Variants in LRRC7 observed in about 807,000 individuals in gnomAD.
LRRC7 encodes leucine rich repeat containing 7.
Under a neutral mutation model 175.7 loss-of-function variants are expected in LRRC7, and 23 were observed. The ratio of observed to expected loss-of-function variants is 0.13; its 90% CI spans 0.09 to 0.19. LRRC7 has a LOEUF of 0.19. Ranked by LOEUF, LRRC7 falls within the 10% of genes least tolerant of loss-of-function variation. LRRC7 has a pLI of 1.00. For missense variants in LRRC7, 1,354 were observed against 1,904.7 expected (o/e 0.71, Z 5.38); for synonymous variants, 685 against 680.9 (o/e 1.01, Z -0.09).
chr1:69,966,151 T>C (rs1651646099), intron 8 of LRRC7, among the ~76,000 whole-genome samples: 1 of 152,172 alleles, frequency 6.6e-6, no homozygotes, highest in Non-Finnish European at 1.5e-5. Flanking sequence ...TAAAATATCA[T>C]AATTATGTCA....
At chr1:69,789,749 T>G (rs2101054121) in intron 3 of LRRC7, among the ~76,000 whole-genome samples, 1 of 152,216 alleles carries the variant, frequency 6.6e-6, no homozygotes, top group Non-Finnish European at 1.5e-5. Context: ...TACCAGTCAC[T>G]TTTGTGTATA....
chr1:70,083,882 C>T (rs1048873291), intron 24 of LRRC7, among the ~76,000 whole-genome samples: 1 of 152,118 alleles, frequency 6.6e-6, no homozygotes, highest in Non-Finnish European at 1.5e-5. Context: ...CTTAGTTGGC[C>T]GTAACCTCAC....
rs1399987097 is a variant in LRRC7 at position 70,138,411 on chromosome 1, TC to T, written c.*16525del. The T allele has an allele frequency of 6.6e-6, 1 of 152,172 alleles. No individual in the cohort carries two copies. The highest frequency in any genetic ancestry group is 1.9e-4 in the East Asian group (1 of 5,198). 9.4% of individuals were successfully genotyped at this position (152,172 alleles called of 1,614,324 possible). On this transcript the variant is annotated 3_prime_UTR_variant, in exon 27 of 27. Coordinates refer to ENST00000651989, the MANE Select transcript of LRRC7 (RefSeq NM_001370785.2). ...CAGACATCATTATTCTACTTAAAAGTCTTTTTTTAAAATTCCAAATACTTGT... is the reference window on the plus strand; with the variant it reads ...CAGACATCATTATTCTACTTAAAAGTTTTTTTTAAAATTCCAAATACTTGT...
At chr1:69,888,542 G>T (rs2101635947) in intron 7 of LRRC7, among the ~76,000 whole-genome samples, 1 of 152,200 alleles carries the variant, frequency 6.6e-6, no homozygotes, top group Non-Finnish European at 1.5e-5. Flanking sequence ...GATGAACCCG[G>T]TACCTCAGAT....
chr1:70,099,060 C>G (rs1309253475), intron 25 of LRRC7, among the ~76,000 whole-genome samples: 9 of 149,972 alleles, frequency 6.0e-5, no homozygotes, highest in Middle Eastern at 3.4e-3. Flanking sequence ...AACATTGATG[C>G]AAAAATCCTC....
chr1:69,938,460 A>G (rs1570732225), intron 8 of LRRC7, among the ~76,000 whole-genome samples: 2 of 152,162 alleles, frequency 1.3e-5, no homozygotes, highest in South Asian at 2.1e-4. Context: ...TATTTCATAG[A>G]GTCAAACAAA....
intron 8 of LRRC7, among the ~76,000 whole-genome samples, chr1:69,968,024 G>A (rs1419229460): frequency 1.3e-5 from 2 of 152,030 alleles, no homozygotes; most frequent in Non-Finnish European, 2.9e-5. Context: ...CCAGAGAAAG[G>A]TGAAGCCCAA....
At chr1:69,864,065 T>C (rs1328096569) in intron 7 of LRRC7, among the ~76,000 whole-genome samples, 1 of 152,154 alleles carries the variant, frequency 6.6e-6, no homozygotes, top group Non-Finnish European at 1.5e-5. Flanking sequence ...TACCTACTTA[T>C]CCTTTATGGC....
chr1:69,883,711 A>C, intron 7 of LRRC7, among the ~76,000 whole-genome samples: 1 of 94,374 alleles, frequency 1.1e-5, no homozygotes, highest in Non-Finnish European at 2.2e-5. Flanking sequence ...CGGAATGGTA[A>C]TGCCTAGGTT....
intron 1 of LRRC7, among the ~76,000 whole-genome samples, chr1:69,664,385 CTG>C (rs1657967675): frequency 6.6e-6 from 1 of 152,164 alleles, no homozygotes. Flanking sequence ...AACTTCCAAA[CTG>C]TTCTCCATAG....
intron 14 of LRRC7, 81 bp downstream of exon 14, chr1:70,016,615 T>C: frequency 8.7e-6 from 9 of 1,037,086 alleles, no homozygotes; most frequent in African/African-American, 1.6e-5. Context: ...TCCCAATAGA[T>C]ACCTTTGACA....
At chr1:69,737,234 C>G (rs535336549) in intron 2 of LRRC7, among the ~76,000 whole-genome samples, 3 of 152,054 alleles carry the variant, frequency 2.0e-5, no homozygotes, top group African/African-American at 7.2e-5. Flanking sequence ...TGAGAGGAAC[C>G]TGGTGGGAGG....
intron 1 of LRRC7, among the ~76,000 whole-genome samples, chr1:69,652,982 A>G (rs1237581452): frequency 6.6e-6 from 1 of 152,134 alleles, no homozygotes; most frequent in Non-Finnish European, 1.5e-5. Context: ...AAGATGGGAA[A>G]CCATAAAATT....
rs534573037 is a variant in LRRC7 at position 70,125,916 on chromosome 1, CA to C, written c.*4036del. Among the ~76,000 whole-genome samples the C allele has an allele frequency of 1.4e-3, 205 of 150,512 alleles. No homozygotes were observed. Among genetic ancestry groups the C allele is most frequent in the African/African-American group, 4.7e-3 (192 of 41,074 alleles). ...GTCAAAATGGTTAGATGAAAGAAAC[CA>C]AAAAAACCATTTTATTTTTAATCAT... On this transcript the variant is annotated 3_prime_UTR_variant, in exon 27 of 27. Coordinates refer to ENST00000651989, the MANE Select transcript of LRRC7 (RefSeq NM_001370785.2).
rs1040466760 is a variant in LRRC7, at chr1:69,682,785, T to A, written c.100+4307T>A. Among the ~76,000 whole-genome samples, 14 of 138,658 alleles carry A rather than the reference T, an allele frequency of 1.0e-4. No individual in the cohort carries two copies. The South Asian group carries it at 2.9e-3, about 29-fold the overall frequency. 91.0% of individuals were successfully genotyped at this position (138,658 alleles called of 152,430 possible). A position where few individuals can be genotyped will look rare whatever the true frequency, so the allele number is the denominator to read the frequency against. On this transcript the variant is annotated intron_variant, in intron 2 of 26. Coordinates refer to ENST00000651989, the MANE Select transcript of LRRC7 (RefSeq NM_001370785.2). Reference sequence around the variant, plus strand: ...GGCTAAGAAAGAGATCATCTAATGCTTTGGCTACCATAATAGAATACTTTC... The same window carrying A: ...GGCTAAGAAAGAGATCATCTAATGCATTGGCTACCATAATAGAATACTTTC...
intron 3 of LRRC7, among the ~76,000 whole-genome samples, chr1:69,762,227 T>TAA (rs899376400): frequency 6.6e-6 from 1 of 152,016 alleles, no homozygotes; most frequent in African/African-American, 2.4e-5. Context: ...AGATAGGTAG[T>TAA]AAAAACATGG....
At chr1:70,111,010 A>G (rs1158363806) in intron 26 of LRRC7, among the ~76,000 whole-genome samples, 1 of 152,210 alleles carries the variant, frequency 6.6e-6, no homozygotes, top group Non-Finnish European at 1.5e-5. Context: ...GAATTTATTT[A>G]CAAAGCTTAA....
At chr1:69,741,066 T>G (rs1462656178) in intron 2 of LRRC7, among the ~76,000 whole-genome samples, 1 of 151,998 alleles carries the variant, frequency 6.6e-6, no homozygotes, top group African/African-American at 2.4e-5. Context: ...AAAGGCAAAC[T>G]TGCATGTTGT....
Position 70,134,577 on chromosome 1 carries a change from T to C in LRRC7, c.*12690T>C, listed in dbSNP as rs1232640892. On this transcript the variant is annotated 3_prime_UTR_variant, in exon 27 of 27. Transcript: ENST00000651989. ...AAGGTAGAGGGAAGACAAGGTGTTCTTTCCCAAAGTTTATGTGAAGCCATT... is the reference window on the plus strand; with the variant it reads ...AAGGTAGAGGGAAGACAAGGTGTTCCTTCCCAAAGTTTATGTGAAGCCATT... Among the ~76,000 whole-genome samples the C allele has an allele frequency of 6.6e-6, 1 of 152,216 alleles. No individual in the cohort carries two copies. The highest frequency in any genetic ancestry group is 1.5e-5 in the Non-Finnish European group (1 of 68,036).
Sources: gnomAD v4.1 joint callset for allele counts (sites outside exome capture counted in the v4.1 genomes callset) on GRCh38, gnomAD v4.1.1 for gene constraint, MANE v1.5 for transcripts, NCBI Gene and HGNC (gene_info 2026-07-23, HGNC 2026-07-21) for gene names.